The following NRXN3 variants were observed in gnomAD, a reference collection of about 807,000 sequenced individuals.
NRXN3 encodes neurexin 3.
Under a neutral mutation model 137.6 loss-of-function variants are expected in NRXN3, and 32 were observed. The ratio of observed to expected loss-of-function variants is 0.23; its 90% confidence interval spans 0.18 to 0.31. NRXN3 has a LOEUF of 0.31. Among genes scored for constraint, NRXN3 ranks in the 10% least tolerant of loss-of-function variants. The pLI is 1.00. For synonymous variants in NRXN3, 798 were observed against 784.5 expected, an observed-to-expected ratio of 1.02 and a Z score of -0.29; for missense variants, 1,574 against 2,062.5, an observed-to-expected ratio of 0.76 and a Z score of 4.59.
chr14:78,859,814 G>A (rs1240116975), intron 10 of NRXN3, among the ~76,000 whole-genome samples: 1 of 152,060 alleles, frequency 6.6e-6, no homozygotes, highest in Non-Finnish European at 1.5e-5. Context: ...ACTTTGGTCT[G>A]TAAACAGTGT....
chr14:79,481,651 G>A (rs1204380397), intron 16 of NRXN3, among the ~76,000 whole-genome samples: 2 of 152,218 alleles, frequency 1.3e-5, no homozygotes, highest in Non-Finnish European at 2.9e-5. Context: ...CCACTGCCCA[G>A]ATGGAGCCAA....
chr14:78,477,685 G>A (rs940266100), intron 4 of NRXN3, among the ~76,000 whole-genome samples: 2 of 152,096 alleles, frequency 1.3e-5, no homozygotes, highest in African/African-American at 2.4e-5. Context: ...TTCAAGATTT[G>A]GTTTCTTATG....
chr14:78,289,051 G>A (rs1248572746), intron 3 of NRXN3, among the ~76,000 whole-genome samples: 1 of 152,174 alleles, frequency 6.6e-6, no homozygotes, highest in African/African-American at 2.4e-5. Flanking sequence ...CCAGAGGCTG[G>A]AATCTGGGCA....
chr14:78,570,200 A>G lies in NRXN3; in HGVS notation c.758-74920A>G, dbSNP rs2096876845. 1.3e-5 allele frequency among the ~76,000 whole-genome samples: 2 copies of G among 152,184 alleles called. 1 individual carries two copies. The highest frequency in any genetic ancestry group is 4.1e-4 in the South Asian group (2 of 4,832). On this transcript the variant is annotated intron_variant, in intron 4 of 20. Transcript: ENST00000335750. ...AGATCATAAGGGTGAGGTCCTTAGA[A>G]TGAAATCCATGCCCTTAGAAAAAGG...
intron 16 of NRXN3, among the ~76,000 whole-genome samples, chr14:79,577,482 G>T (rs765476573): frequency 3.3e-5 from 5 of 151,756 alleles, no homozygotes; most frequent in Non-Finnish European, 2.9e-5. Context: ...CCCCTCTTTT[G>T]CCTATTCATT....
intron 10 of NRXN3, among the ~76,000 whole-genome samples, chr14:78,892,542 C>T (rs987829127): frequency 1.3e-4 from 19 of 151,670 alleles, no homozygotes; most frequent in Admixed American, 5.9e-4. Flanking sequence ...GTGATCAAAA[C>T]TACCTTCCTT....
intron 4 of NRXN3, among the ~76,000 whole-genome samples, chr14:78,623,305 T>A (rs76216790): frequency 0.023 from 3,489 of 152,314 alleles, 109 homozygotes; most frequent in East Asian, 0.18. Flanking sequence ...AAGGGAGAGT[T>A]GTTTTAAAAA....
At chr14:79,334,427 G>A (rs1346619561) in intron 15 of NRXN3, among the ~76,000 whole-genome samples, 1 of 152,142 alleles carries the variant, frequency 6.6e-6, no homozygotes, top group Non-Finnish European at 1.5e-5. Flanking sequence ...GGAAATAGCA[G>A]GTATAATCAC....
At chr14:78,616,043 A>C (rs1428684515) in intron 4 of NRXN3, among the ~76,000 whole-genome samples, 1 of 152,216 alleles carries the variant, frequency 6.6e-6, no homozygotes, top group Non-Finnish European at 1.5e-5. Flanking sequence ...CCGTGCCGCC[A>C]TCACTCATCA....
chr14:79,731,607 C>T (rs995398686), intron 19 of NRXN3, among the ~76,000 whole-genome samples: 1 of 151,116 alleles, frequency 6.6e-6, no homozygotes, highest in African/African-American at 2.4e-5. Flanking sequence ...TAGTGAACTC[C>T]TTGGTTCTCC....
intron 5 of NRXN3, among the ~76,000 whole-genome samples, chr14:78,646,817 A>G (rs890977179): frequency 1.3e-5 from 2 of 152,190 alleles, no homozygotes; most frequent in Non-Finnish European, 2.9e-5. Context: ...TTCTTTCGTC[A>G]TTCCTCATCC....
chr14:78,308,482 C>T (rs1260420015), intron 4 of NRXN3, among the ~76,000 whole-genome samples: 2 of 152,062 alleles, frequency 1.3e-5, no homozygotes, highest in Non-Finnish European at 2.9e-5. Context: ...GTACTTTGAC[C>T]TCCTTAGGAT....
intron 4 of NRXN3, among the ~76,000 whole-genome samples, chr14:78,493,196 T>A (rs1159515844): frequency 1.3e-5 from 2 of 152,116 alleles, no homozygotes; most frequent in Admixed American, 1.3e-4. Flanking sequence ...CAGGTTTTTA[T>A]AGATGATCTT....
chr14:79,627,224 C>A (rs17836238), intron 16 of NRXN3, among the ~76,000 whole-genome samples: 5 of 152,020 alleles, frequency 3.3e-5, no homozygotes, highest in African/African-American at 9.7e-5. Flanking sequence ...GCAGTTCTGG[C>A]AAATATCCTC....
chr14:78,845,905 G>GGGGT (rs371226331), intron 10 of NRXN3, among the ~76,000 whole-genome samples: 3 of 146,344 alleles, frequency 2.0e-5, no homozygotes, highest in African/African-American at 7.5e-5. Flanking sequence ...AGTATGTTGG[G>GGGGT]GTGTGTGTGT....
intron 4 of NRXN3, among the ~76,000 whole-genome samples, chr14:78,406,790 T>C (rs2092514295): frequency 1.3e-5 from 2 of 152,082 alleles, no homozygotes; most frequent in Admixed American, 1.3e-4. Flanking sequence ...CCTCAGAGGT[T>C]GGAGGTGGGG....
chr14:78,986,826 T>C (rs939925916), intron 14 of NRXN3, among the ~76,000 whole-genome samples: 7 of 151,380 alleles, frequency 4.6e-5, no homozygotes, highest in African/African-American at 1.7e-4. Flanking sequence ...ATCGAGACGA[T>C]CTTGGCCAAC....
chr14:78,806,334 C>T (rs952527912), intron 9 of NRXN3, among the ~76,000 whole-genome samples: 2 of 152,080 alleles, frequency 1.3e-5, no homozygotes, highest in African/African-American at 4.8e-5. Flanking sequence ...GTTTTCCTTC[C>T]GTTCCCTCCC....
At chr14:79,281,039 A>T (rs2081199572) in intron 15 of NRXN3, among the ~76,000 whole-genome samples, 1 of 152,198 alleles carries the variant, frequency 6.6e-6, no homozygotes, top group South Asian at 2.1e-4. Flanking sequence ...GGTAATGGTC[A>T]GGGAAAAGTA....
Sources: allele counts gnomAD v4.1 joint callset (sites outside exome capture counted in the v4.1 genomes callset), GRCh38; gene constraint gnomAD v4.1.1; transcripts MANE v1.5; gene names NCBI Gene and HGNC (gene_info 2026-07-23, HGNC 2026-07-21).